IP6K1: variants seen among roughly 807,000 people sequenced by gnomAD.
The protein encoded by IP6K1 is inositol hexakisphosphate kinase 1, also known as ATP:1D-myo-inositol-hexakisphosphate phosphotransferase.
Under a neutral mutation model 38.3 loss-of-function variants are expected in IP6K1, and 13 were observed. The observed-to-expected ratio is 0.34, with a 90% confidence interval of 0.22 to 0.54. The LOEUF (loss-of-function observed/expected upper bound fraction) is 0.54, where lower values mean the gene tolerates loss of function less well. Among genes scored for constraint, IP6K1 ranks in the 20% least tolerant of loss-of-function variants. The probability of loss-of-function intolerance (pLI) is 0.92; values close to 1 mark genes in which losing one functional copy is unlikely to be tolerated. For synonymous variants in IP6K1, 212 were observed against 229.9 expected, an observed-to-expected ratio of 0.92 and a Z score of 0.70; for missense variants, 397 against 599.8, an observed-to-expected ratio of 0.66 and a Z score of 3.53.
At chr3:49,730,692 G>A (rs985608091) in intron 4 of IP6K1, among the ~76,000 whole-genome samples, 6 of 151,572 alleles carry the variant, frequency 4.0e-5, no homozygotes, top group African/African-American at 1.2e-4. Context: ...AACTATAGGC[G>A]CATGCCACCA....
chr3:49,754,046 G>C (rs933654262), intron 1 of IP6K1, among the ~76,000 whole-genome samples: 2 of 152,104 alleles, frequency 1.3e-5, no homozygotes, highest in Non-Finnish European at 2.9e-5. Context: ...AAAAAAATCA[G>C]GCAAACACAT....
rs538128669 is a variant in IP6K1 at position 49,767,490 on chromosome 3, G to C, written c.-129+18864C>G. ...AGGTACTCGGGGGGCTAAAACAGGA[G>C]AATCACTTGAACCGGGAGGCGGAAA... On this transcript the variant is annotated intron_variant, in intron 1 of 5. Transcript: ENST00000321599. Among the ~76,000 whole-genome samples the C allele has an allele frequency of 2.3e-4, 35 of 152,204 alleles. 1 individual carries two copies. In the South Asian group the frequency reaches 4.4e-3, roughly 19 times the overall value.
intron 3 of IP6K1, among the ~76,000 whole-genome samples, chr3:49,733,984 G>C (rs2080584484): frequency 6.6e-6 from 1 of 152,036 alleles, no homozygotes; most frequent in African/African-American, 2.4e-5. Flanking sequence ...TTAAAAATTA[G>C]CTGGGCATGG....
intron 2 of IP6K1, among the ~76,000 whole-genome samples, chr3:49,747,180 T>C (rs2108236654): frequency 6.6e-6 from 1 of 152,038 alleles, no homozygotes; most frequent in East Asian, 1.9e-4. Flanking sequence ...CTTAAAGTTA[T>C]AAAGCAGAAT....
intron 3 of IP6K1, among the ~76,000 whole-genome samples, chr3:49,733,995 T>G (rs2080584582): frequency 6.6e-6 from 1 of 152,010 alleles, no homozygotes; most frequent in Non-Finnish European, 1.5e-5. Flanking sequence ...CTGGGCATGG[T>G]GGCATGTGCC....
intron 1 of IP6K1, chr3:49,775,474 G>C (rs1575328253): frequency 3.5e-6 from 2 of 573,500 alleles, no homozygotes; most frequent in East Asian, 7.8e-5. Context: ...GGAGGCCCTG[G>C]GGTCTCTGGT....
chr3:49,782,277 TCTCCTGCCTCAGC>T (rs1182976951), intron 1 of IP6K1, among the ~76,000 whole-genome samples: 1 of 151,570 alleles, frequency 6.6e-6, no homozygotes, highest in African/African-American at 2.4e-5. Flanking sequence ...TTCAAGTGAT[TCTCCTGCCTCAGC>T]CTCCTGAGTA....
At position 49,725,185 on chromosome 3, in the gene IP6K1, G is replaced by C. The variant is rs1396067638; in HGVS notation, c.*1937C>G. On this transcript the variant is annotated 3_prime_UTR_variant, in exon 6 of 6. Coordinates refer to ENST00000321599, the MANE Select transcript of IP6K1 (RefSeq NM_153273.4). ...AATGTAAGTGGGTGCAGCTTTGCTCGCTGTGAGGAGCAGCAGAATGCGGCA... is the reference window on the plus strand; with the variant it reads ...AATGTAAGTGGGTGCAGCTTTGCTCCCTGTGAGGAGCAGCAGAATGCGGCA... The C allele has an allele frequency of 6.6e-6, 1 of 152,646 alleles. No homozygotes were observed. Among genetic ancestry groups the C allele is most frequent in the East Asian group, 1.9e-4 (1 of 5,202 alleles). 9.5% of individuals were successfully genotyped at this position (152,646 alleles called of 1,614,324 possible). A position where few individuals can be genotyped will look rare whatever the true frequency, so the allele number is the denominator to read the frequency against.
chr3:49,730,600 GCAGTAGCACAATTT>G (rs1444798149), intron 4 of IP6K1, among the ~76,000 whole-genome samples: 1 of 152,140 alleles, frequency 6.6e-6, no homozygotes, highest in Admixed American at 6.6e-5. Context: ...AGGCTGGAGT[GCAGTAGCACAATTT>G]CAGCTCACTG....
intron 1 of IP6K1, among the ~76,000 whole-genome samples, chr3:49,769,705 A>G (rs530797474): frequency 6.6e-6 from 1 of 152,252 alleles, no homozygotes; most frequent in Non-Finnish European, 1.5e-5. Flanking sequence ...TGACTAGGTC[A>G]TAAGAGGCTT....
intron 4 of IP6K1, among the ~76,000 whole-genome samples, chr3:49,732,503 C>T (rs1031640619): frequency 2.6e-5 from 4 of 152,170 alleles, no homozygotes; most frequent in African/African-American, 4.8e-5. Flanking sequence ...ATTTTAGCCA[C>T]TCAGTGTGGC....
chr3:49,743,712 C>T (rs1023008126), intron 2 of IP6K1, among the ~76,000 whole-genome samples: 5 of 151,104 alleles, frequency 3.3e-5, no homozygotes, highest in African/African-American at 9.7e-5. Context: ...CTCTGCCTCC[C>T]GGGTTCAAGT....
intron 1 of IP6K1, among the ~76,000 whole-genome samples, chr3:49,770,688 C>G (rs144170272): frequency 6.6e-6 from 1 of 152,142 alleles, no homozygotes; most frequent in East Asian, 1.9e-4. Context: ...GACTTCAAGC[C>G]TTGCTAGAAA....
intron 1 of IP6K1, among the ~76,000 whole-genome samples, chr3:49,763,259 C>T (rs903401111): frequency 1.4e-5 from 2 of 141,526 alleles, no homozygotes; most frequent in South Asian, 4.5e-4. Flanking sequence ...GCCCGCCACA[C>T]ACCCGGCTAA....
At chr3:49,779,918 G>A (rs1042634391) in intron 1 of IP6K1, among the ~76,000 whole-genome samples, 1 of 151,978 alleles carries the variant, frequency 6.6e-6, no homozygotes, top group Non-Finnish European at 1.5e-5. Flanking sequence ...AAACTCCTGG[G>A]CCCAAGCAAT....
chr3:49,758,280 C>CTCCA (rs199663226), intron 1 of IP6K1, among the ~76,000 whole-genome samples: 1,561 of 141,594 alleles, frequency 0.011, 41 homozygotes, highest in African/African-American at 0.038. Context: ...CACCACTACA[C>CTCCA]TCCAGCCTGG....
chr3:49,745,072 C>T (rs1215270689), intron 2 of IP6K1, among the ~76,000 whole-genome samples: 1 of 151,890 alleles, frequency 6.6e-6, no homozygotes, highest in Non-Finnish European at 1.5e-5. Context: ...ATGCCAGGCC[C>T]TGAACTCATA....
Position 49,738,231 on chromosome 3 carries a change from A to C in IP6K1, c.415T>G (p.Ser139Ala). Residue 139 changes from serine (S) to alanine (A), a missense_variant, in exon 3 of 6, where the codon TCC (serine) becomes GCC (alanine). By Grantham distance (99) the Ser-to-Ala change is moderately conservative. Around this residue, in one of 3 missense-constraint regions of IP6K1, gnomAD observed 171 missense variants for 237.0 expected, o/e 0.72. Coordinates refer to ENST00000321599, the MANE Select transcript of IP6K1 (RefSeq NM_153273.4). Reference protein sequence around the residue: ...SDHKEEKASLSLETSESSQEA... With the variant: ...SDHKEEKASLALETSESSQEA... ...TCTTACCTCTCAGAGGTCTCAAGGG[A>C]CAGGCTGGCTTTCTCCTCCTTGTGG... 1 of 1,614,152 alleles carries C rather than the reference A, an allele frequency of 6.2e-7. No homozygotes were observed. The highest frequency in any genetic ancestry group is 8.5e-7 in the Non-Finnish European group (1 of 1,179,984).
chr3:49,768,051 T>C (rs1477554296), intron 1 of IP6K1, among the ~76,000 whole-genome samples: 1 of 134,896 alleles, frequency 7.4e-6, no homozygotes, highest in African/African-American at 2.7e-5. Context: ...AAAAAAAAAA[T>C]AGAAAATAAG....
Sources: allele counts gnomAD v4.1 joint callset (sites outside exome capture counted in the v4.1 genomes callset), GRCh38; gene constraint gnomAD v4.1.1; regional missense constraint gnomAD v4.1.1; transcripts MANE v1.5; gene names NCBI Gene and HGNC (gene_info 2026-07-23, HGNC 2026-07-21).